Variants in PTPRQ observed in about 807,000 individuals in gnomAD.
PTPRQ encodes phosphatidylinositol phosphatase PTPRQ.
Under a neutral mutation model 246.0 loss-of-function variants are expected in PTPRQ, and 199 were observed. That is an observed-to-expected ratio of 0.81 (90% CI 0.72 to 0.91). The LOEUF (loss-of-function observed/expected upper bound fraction) is 0.91, where lower values mean the gene tolerates loss of function less well. PTPRQ is among the 40% of genes least tolerant of loss of function. The probability of loss-of-function intolerance (pLI) is 0.00; values close to 1 mark genes in which losing one functional copy is unlikely to be tolerated. For missense variants in PTPRQ, 2,624 were observed against 2,528.4 expected (o/e 1.04, Z -0.81); for synonymous variants, 869 against 853.2 (o/e 1.02, Z -0.32).
intron 33 of PTPRQ, among the ~76,000 whole-genome samples, chr12:80,624,757 G>T (rs1899132260): frequency 6.6e-6 from 1 of 152,138 alleles, no homozygotes. Context: ...CCTAGAAGTG[G>T]TCCTGGTCCA....
chr12:80,655,304 T>C (rs1481371565), intron 38 of PTPRQ, among the ~76,000 whole-genome samples: 1 of 152,142 alleles, frequency 6.6e-6, no homozygotes, highest in Non-Finnish European at 1.5e-5. Flanking sequence ...CATAAGAGTA[T>C]TGTAAAAATT....
intron 33 of PTPRQ, among the ~76,000 whole-genome samples, chr12:80,623,165 A>C (rs1899059678): frequency 6.6e-6 from 1 of 152,096 alleles, no homozygotes; most frequent in African/African-American, 2.4e-5. Context: ...GAGAGTTATG[A>C]CTGGAGAAAG....
At chr12:80,504,244 C>A (rs1207149016) in intron 14 of PTPRQ, among the ~76,000 whole-genome samples, 1 of 151,700 alleles carries the variant, frequency 6.6e-6, no homozygotes, top group East Asian at 1.9e-4. Flanking sequence ...ATACTATCAT[C>A]CTTTTCACTA....
intron 14 of PTPRQ, 138 bp from the exon 15 acceptor site, chr12:80,505,886 T>A: frequency 9.8e-7 from 1 of 1,024,148 alleles, no homozygotes; most frequent in Non-Finnish European, 1.3e-6. Flanking sequence ...ATACTTTACT[T>A]CATTCAGGAT....
At chr12:80,590,566 G>A (rs934623396) in intron 26 of PTPRQ, among the ~76,000 whole-genome samples, 2 of 151,252 alleles carry the variant, frequency 1.3e-5, no homozygotes, top group African/African-American at 2.4e-5. Flanking sequence ...TACTCGGGAG[G>A]CTGAGGCAGG....
intron 17 of PTPRQ, among the ~76,000 whole-genome samples, chr12:80,522,213 G>A (rs1895519598): frequency 6.6e-6 from 1 of 152,182 alleles, no homozygotes; most frequent in Non-Finnish European, 1.5e-5. Context: ...CATTGATTTT[G>A]TATCCTGAGA....
rs1268023715 is a variant in PTPRQ at position 80,678,988 on chromosome 12, G to A, written c.6865G>A (p.Asp2289Asn). The A allele has an allele frequency of 6.5e-7, 1 of 1,546,052 alleles. No individual in the cohort carries two copies. Among genetic ancestry groups the A allele is most frequent in the African/African-American group, 1.4e-5 (1 of 72,742 alleles). The change falls in exon 45 of 45, where the codon GAT becomes AAT. Residue 2289 changes from aspartate (D) to asparagine (N), a missense_variant and splice_region_variant. Transcript: ENST00000644991. ...TAACATGTTACTTTCTGTTATAGGT[G>A]ATGTTGAGCTTGAATGGGAAGAAAC... ...KMDSLDAMEG[D>N]VELEWEETTM
rs183636545 is a variant in PTPRQ at position 80,526,115 on chromosome 12, A to G, written c.2679-7900A>G. On this transcript the variant is annotated intron_variant, in intron 17 of 44. Transcript: ENST00000644991. ...AACCTCTCTAATGCTCTGGATTTCC[A>G]CAGTTCTATGCCCCATCCTATCTGT... 6.4e-4 allele frequency: 98 copies of G among 152,288 alleles called. 1 individual carries two copies. Among genetic ancestry groups the G allele is most frequent in the Admixed American group, 1.9e-3 (29 of 15,274 alleles). The allele number at this position is 152,288 out of a possible 1,614,324, so 9.4% of individuals were successfully genotyped here. A position where few individuals can be genotyped will look rare whatever the true frequency, so the allele number is the denominator to read the frequency against.
chr12:80,459,455 T>C lies in PTPRQ; in HGVS notation c.632T>C (p.Ile211Thr). The change falls in exon 5 of 45, where the codon ATT becomes ACT. Residue 211 changes from isoleucine to threonine, a missense_variant. Coordinates refer to ENST00000644991, the MANE Select transcript of PTPRQ (RefSeq NM_001145026.2). The stretch of plus-strand genomic sequence containing the variant: ...GATGTCTCAATCAGAGTAGAGGACA[T>C]TTTGACTGGGAAATTGCCAGAATGC... ...VKDVSIRVED[I>T]LTGKLPECNE... The C allele has an allele frequency of 5.0e-6, 2 of 398,440 alleles. No individual in the cohort carries two copies. Among genetic ancestry groups the C allele is most frequent in the Non-Finnish European group, 4.4e-6 (1 of 225,958 alleles). The allele number at this position is 398,440 out of a possible 1,614,324, so 24.7% of individuals were successfully genotyped here.
At position 80,495,110 on chromosome 12, in the gene PTPRQ, C is replaced by A; in HGVS notation, c.1702+16C>A. ...CGTCAGCAAGGTAAGGATGTATTTC[C>A]TTTGAAACAATTAACTGCAAATATT... On this transcript the variant is annotated intron_variant, in intron 11 of 44. Transcript: ENST00000644991. 1 of 1,550,200 alleles carries A rather than the reference C, an allele frequency of 6.5e-7. No individual in the cohort carries two copies. The highest frequency in any genetic ancestry group is 8.7e-7 in the Non-Finnish European group (1 of 1,146,054).
At chr12:80,570,868 C>A (rs979392877) in intron 25 of PTPRQ, among the ~76,000 whole-genome samples, 1 of 152,124 alleles carries the variant, frequency 6.6e-6, no homozygotes, top group African/African-American at 2.4e-5. Flanking sequence ...TTGTTTCTGT[C>A]ATTTTTGTCA....
rs1893141223 is a variant in PTPRQ, at chr12:80,460,871, T to C, written c.879T>C (p.Ile293=). 2.5e-6 allele frequency: 1 copy of C among 400,642 alleles called. No individual in the cohort carries two copies. Among genetic ancestry groups the C allele is most frequent in the Non-Finnish European group, 4.4e-6 (1 of 226,216 alleles). 24.8% of individuals were successfully genotyped at this position (400,642 alleles called of 1,614,324 possible). The change falls in exon 6 of 45, where the codon ATT becomes ATC. Residue 293 remains isoleucine (I), a synonymous_variant. Transcript: ENST00000644991. ...CTGCTACAACTGAAGCAGGTTATAT[T>C]GATAGTACGATTGTCAGAACACCAG... ...VSAATTEAGY[I]DSTIVRTPES... is the part of the protein sequence containing the mutation.
At chr12:80,650,805 A>C (rs1900231249) in intron 37 of PTPRQ, among the ~76,000 whole-genome samples, 1 of 150,176 alleles carries the variant, frequency 6.7e-6, no homozygotes, top group Admixed American at 6.6e-5. Context: ...CCAAGTAGAT[A>C]AAAAGTTTTA....
Position 80,663,772 on chromosome 12 carries a change from C to T in PTPRQ, c.6193-5235C>T, listed in dbSNP as rs565142476. 1.1e-4 allele frequency among the ~76,000 whole-genome samples: 17 copies of T among 152,024 alleles called. 2 individuals carry two copies. The South Asian group carries it at 3.3e-3, about 30-fold the overall frequency. On this transcript the variant is annotated intron_variant, in intron 39 of 44. Coordinates refer to ENST00000644991, the MANE Select transcript of PTPRQ (RefSeq NM_001145026.2). ...CTTTCTGCCATGTTCACAACCTAGA[C>T]CTTTTCACCACCAAGAATTGTAGCC...
intron 17 of PTPRQ, among the ~76,000 whole-genome samples, chr12:80,527,133 C>CT (rs1157497880): frequency 7.9e-5 from 12 of 151,856 alleles, no homozygotes; most frequent in Admixed American, 7.9e-4. Context: ...TTTCTTATTT[C>CT]TTGACTAAAT....
intron 25 of PTPRQ, among the ~76,000 whole-genome samples, chr12:80,555,273 TG>T (rs1298754662): frequency 1.3e-5 from 2 of 152,182 alleles, no homozygotes; most frequent in Admixed American, 1.3e-4. Context: ...TTGCCCAGGC[TG>T]GTCTCAAACT....
At chr12:80,550,738 A>T (rs758237323) in intron 25 of PTPRQ, among the ~76,000 whole-genome samples, 1 of 152,112 alleles carries the variant, frequency 6.6e-6, no homozygotes, top group Non-Finnish European at 1.5e-5. Context: ...TTGTTTGTCT[A>T]TAAATTCATC....
chr12:80,618,592 G>A (rs1348563205), intron 30 of PTPRQ, among the ~76,000 whole-genome samples: 1 of 151,394 alleles, frequency 6.6e-6, no homozygotes, highest in Non-Finnish European at 1.5e-5. Context: ...ATTTCATAGA[G>A]ACAAAAAGAT....
chr12:80,675,604 T>C (rs1901110676), intron 43 of PTPRQ, among the ~76,000 whole-genome samples: 1 of 152,166 alleles, frequency 6.6e-6, no homozygotes, highest in Non-Finnish European at 1.5e-5. Context: ...CTTCAAACAG[T>C]AAAAGCTGAA....
Sources: allele counts gnomAD v4.1 joint callset (sites outside exome capture counted in the v4.1 genomes callset), GRCh38; gene constraint gnomAD v4.1.1; transcripts MANE v1.5; gene names NCBI Gene and HGNC (gene_info 2026-07-23, HGNC 2026-07-21).